The following ZDBF2 variants were observed in gnomAD, a reference collection of about 807,000 sequenced individuals.
ZDBF2 encodes DBF4-type zinc finger-containing protein 2.
Under a neutral mutation model 9.4 loss-of-function variants are expected in ZDBF2, and 6 were observed. The observed-to-expected ratio is 0.64, with a 90% CI of 0.35 to 1.27. The LOEUF (loss-of-function observed/expected upper bound fraction) is 1.27. ZDBF2 is among the 50% of genes most tolerant of loss of function. The pLI, the probability that ZDBF2 is intolerant of heterozygous loss-of-function variation, is 0.03. For synonymous variants in ZDBF2, 905 were observed against 946.3 expected, an observed-to-expected ratio of 0.96 and a Z score of 0.80; for missense variants, 2,697 against 2,766.8, an observed-to-expected ratio of 0.97 and a Z score of 0.57.
chr2:206,308,106 A>G lies in ZDBF2; in HGVS notation c.3578A>G (p.Gln1193Arg). 1 of 1,613,978 alleles carries G rather than the reference A, an allele frequency of 6.2e-7. No individual in the cohort carries two copies. Residue 1193 changes from glutamine (Q) to arginine (R), a missense_variant, in exon 5 of 5, where the codon CAA becomes CGA. Physicochemically the swap from Gln to Arg is conservative, Grantham distance 43. Transcript: ENST00000374423. ...ATTGAACTAGAAGGTAAGCACAATC[A>G]ATGTTGTGGTTCTGAAGTAAGTTTT... is the stretch of plus-strand genomic sequence containing the variant. Reference protein sequence around the residue: ...EHIELEGKHNQCCGSEVSFDS... With the variant: ...EHIELEGKHNRCCGSEVSFDS...
intron 4 of ZDBF2, among the ~76,000 whole-genome samples, chr2:206,299,674 A>C (rs1692391125): frequency 6.6e-6 from 1 of 152,006 alleles, no homozygotes; most frequent in Non-Finnish European, 1.5e-5. Flanking sequence ...GATAAAAACT[A>C]GGAAACTACA....
Position 206,307,189 on chromosome 2 carries a change from C to G in ZDBF2, c.2661C>G (p.Pro887=). The stretch of plus-strand genomic sequence containing the variant: ...CTCTTCATTCAGTGACTAATTCTCC[C>G]GAAGTAGCTGTTAAAAAGCTAAATC... ...HAPLHSVTNS[P]EVAVKKLNPQ... is the part of the protein sequence containing the mutation. Residue 887 remains proline (P), a synonymous_variant, in exon 5 of 5, where the codon CCC becomes CCG. Transcript: ENST00000374423. 6.2e-7 allele frequency: 1 copy of G among 1,612,972 alleles called. No homozygotes were observed. The highest frequency in any genetic ancestry group is 8.5e-7 in the Non-Finnish European group (1 of 1,179,600).
intron 4 of ZDBF2, among the ~76,000 whole-genome samples, chr2:206,302,494 G>C (rs1159962150): frequency 6.6e-6 from 1 of 152,106 alleles, no homozygotes; most frequent in Non-Finnish European, 1.5e-5. Context: ...GATTTTACCA[G>C]CTGTATGATT....
At chr2:206,295,511 G>A (rs931790144) in intron 3 of ZDBF2, among the ~76,000 whole-genome samples, 10 of 151,516 alleles carry the variant, frequency 6.6e-5, no homozygotes, top group African/African-American at 2.4e-4. Flanking sequence ...CTACAGGCGC[G>A]CAGCACCACC....
At position 206,305,620 on chromosome 2, in the gene ZDBF2, G is replaced by T. The variant is rs58649882; in HGVS notation, c.1092G>T (p.Met364Ile). Reference protein sequence around the residue: ...WEQKCSVSSEMKFDCISLQSA... With the variant: ...WEQKCSVSSEIKFDCISLQSA... Reference sequence around the variant, plus strand: ...AGAAGTGCTCAGTGAGTTCTGAAATGAAGTTTGATTGTATCTCTCTTCAGT... The same window carrying T: ...AGAAGTGCTCAGTGAGTTCTGAAATTAAGTTTGATTGTATCTCTCTTCAGT... Residue 364 changes from methionine to isoleucine, a missense_variant, in exon 5 of 5, where the codon ATG becomes ATT. By Grantham distance (10) the Met-to-Ile change is conservative. Transcript: ENST00000374423. 2.1e-3 allele frequency: 3,340 copies of T among 1,613,798 alleles called. 59 individuals are homozygous for T. In the African/African-American group the frequency reaches 0.039, roughly 19 times the overall value.
intron 4 of ZDBF2, 25 bp downstream of exon 4, chr2:206,297,398 T>G (rs771672751): frequency 6.3e-7 from 1 of 1,599,496 alleles, no homozygotes; most frequent in Non-Finnish European, 8.5e-7. Flanking sequence ...TGGAATAATA[T>G]TTATACGTAG....
chr2:206,306,863 G>A lies in ZDBF2; in HGVS notation c.2335G>A (p.Glu779Lys), dbSNP rs372117581. 5 of 1,613,730 alleles carry A rather than the reference G, an allele frequency of 3.1e-6. No homozygotes were observed. The highest frequency in any genetic ancestry group is 4.2e-6 in the Non-Finnish European group (5 of 1,179,830). Residue 779 changes from glutamate (E) to lysine (K), a missense_variant, in exon 5 of 5, where the codon GAA (glutamate) becomes AAA (lysine). This residue lies in a region of ZDBF2 where 910 missense variants were observed against 973.6 expected (regional missense o/e 0.93). Transcript: ENST00000374423. ...AGGAAAAGAACGGCACATTGACCTGGAAGATGAGAGCTGTGAGTCAGATAG... is the reference window on the plus strand; with the variant it reads ...AGGAAAAGAACGGCACATTGACCTGAAAGATGAGAGCTGTGAGTCAGATAG... ...AEGKERHIDL[E>K]DESCESDSSE...
chr2:206,302,006 A>G (rs1692530212), intron 4 of ZDBF2, among the ~76,000 whole-genome samples: 1 of 151,540 alleles, frequency 6.6e-6, no homozygotes, highest in African/African-American at 2.4e-5. Flanking sequence ...TTTTAGCTCA[A>G]GAGTTTAGCT....
rs766079974 is a variant in ZDBF2 at position 206,308,844 on chromosome 2, A to G, written c.4316A>G (p.His1439Arg). 8 of 1,613,656 alleles carry G rather than the reference A, an allele frequency of 5.0e-6. No homozygotes were observed. The East Asian group carries it at 1.8e-4, about 36-fold the overall frequency. The change falls in exon 5 of 5, where the codon CAT becomes CGT. Residue 1439 changes from histidine (H) to arginine (R), a missense_variant. Coordinates refer to ENST00000374423, the MANE Select transcript of ZDBF2 (RefSeq NM_020923.3). Reference sequence around the variant, plus strand: ...GAAATAAACTTGCAAAAGAAGGATCATAATGATCTAGAAAATAAGAACTGT... The same window carrying G: ...GAAATAAACTTGCAAAAGAAGGATCGTAATGATCTAGAAAATAAGAACTGT... ...VKEINLQKKD[H>R]NDLENKNCEV...
chr2:206,309,091 C>T lies in ZDBF2; in HGVS notation c.4563C>T (p.His1521=), dbSNP rs367801037. Residue 1521 remains histidine, a synonymous_variant, in exon 5 of 5, where the codon CAC becomes CAT. Transcript: ENST00000374423. ...NQFPGSVKET[H]LPKVVLVDLV... ...TTCCAGGATCAGTCAAAGAAACCCA[C>T]CTTCCAAAGGTGGTACTTGTGGATC... 7.8e-5 allele frequency: 126 copies of T among 1,613,766 alleles called. No homozygotes were observed. The highest frequency in any genetic ancestry group is 9.4e-5 in the Non-Finnish European group (111 of 1,179,860).
In ZDBF2 at chr2:206,310,577, A is replaced by T. The variant is rs766377477; in HGVS notation, c.6049A>T (p.Ile2017Phe). 5.6e-6 allele frequency: 9 copies of T among 1,612,180 alleles called. No individual in the cohort carries two copies. In the Admixed American group the frequency reaches 1.0e-4, roughly 18 times the overall value. Residue 2017 changes from isoleucine (I) to phenylalanine (F), a missense_variant, in exon 5 of 5, where the codon ATT becomes TTT. Ile to Phe is a conservative substitution (Grantham distance 21). Coordinates refer to ENST00000374423, the MANE Select transcript of ZDBF2 (RefSeq NM_020923.3). ...ALVCVLSSLN[I>F]KLKEGEGLPF... ...AGTCTGTGTTCTTTCTTCTTTAAAT[A>T]TTAAACTGAAAGAGGGTGAAGGCCT... is the stretch of plus-strand genomic sequence containing the variant.
rs1692237517 is a variant in ZDBF2 at position 206,297,313 on chromosome 2, T to C, written c.128T>C (p.Leu43Ser). Residue 43 changes from leucine to serine, a missense_variant, in exon 4 of 5, where the codon TTG becomes TCG. Physicochemically the swap from Leu to Ser is moderately radical, Grantham distance 145. This residue lies in a region of ZDBF2 where 910 missense variants were observed against 973.6 expected (regional missense o/e 0.93). Transcript: ENST00000374423. ...AGACGTCAAATATGTACCAGTAGTTTGATGGAACGTTTCTTACAGGATGTA... is the reference window on the plus strand; with the variant it reads ...AGACGTCAAATATGTACCAGTAGTTCGATGGAACGTTTCTTACAGGATGTA... ...QSRRQICTSS[L>S]MERFLQDVLQ... 1 of 1,613,272 alleles carries C rather than the reference T, an allele frequency of 6.2e-7. No homozygotes were observed. The highest frequency in any genetic ancestry group is 8.5e-7 in the Non-Finnish European group (1 of 1,179,390).
Position 206,306,795 on chromosome 2 carries a change from C to T in ZDBF2, c.2267C>T (p.Pro756Leu), listed in dbSNP as rs578168231. The T allele has an allele frequency of 4.8e-5, 78 of 1,613,768 alleles. No homozygotes were observed. Among genetic ancestry groups the T allele is most frequent in the South Asian group, 2.9e-4 (26 of 91,070 alleles). Residue 756 changes from proline to leucine, a missense_variant, in exon 5 of 5, where the codon CCG becomes CTG. Physicochemically the swap from Pro to Leu is moderately conservative, Grantham distance 98. This residue lies in a region of ZDBF2 where 910 missense variants were observed against 973.6 expected (regional missense o/e 0.93). Transcript: ENST00000374423. ...TCTGAGTTGACTTTTGATTCTGACCCGCCTCTTCTGTCAGTTACTGAGCAG... is the reference window on the plus strand; with the variant it reads ...TCTGAGTTGACTTTTGATTCTGACCTGCCTCTTCTGTCAGTTACTGAGCAG... ...SSSELTFDSD[P>L]PLLSVTEQSH...
intron 3 of ZDBF2, among the ~76,000 whole-genome samples, chr2:206,286,216 A>T (rs1330009683): frequency 6.6e-6 from 1 of 152,158 alleles, no homozygotes; most frequent in Non-Finnish European, 1.5e-5. Context: ...TGGTAGGCCT[A>T]TTTGGTCTAA....
chr2:206,312,099 A>G lies in ZDBF2; in HGVS notation c.*506A>G, dbSNP rs1693222465. Reference sequence around the variant, plus strand: ...CCATAATCTTTAATACAGTTTTTAAAAACTGGTGATTTTTTTTATGCATAG... The same window carrying G: ...CCATAATCTTTAATACAGTTTTTAAGAACTGGTGATTTTTTTTATGCATAG... On this transcript the variant is annotated 3_prime_UTR_variant, in exon 5 of 5. Transcript: ENST00000374423. 6.6e-6 allele frequency: 1 copy of G among 152,154 alleles called. No homozygotes were observed. The highest frequency in any genetic ancestry group is 2.4e-5 in the African/African-American group (1 of 41,426). The allele number at this position is 152,154 out of a possible 1,614,324, so 9.4% of individuals were successfully genotyped here.
rs200516787 is a variant in ZDBF2, at chr2:206,297,370, G to C, written c.185G>C (p.Ser62Thr). ...CACCACCCATATCATTGTCAAGAGAGCAGGTAAAGTAGTTGATTGGAATAA... is the reference window on the plus strand; with the variant it reads ...CACCACCCATATCATTGTCAAGAGACCAGGTAAAGTAGTTGATTGGAATAA... ...LQHHPYHCQE[S>T]SSTQDETHVN... Residue 62 changes from serine (S) to threonine (T), a missense_variant, in exon 4 of 5, where the codon AGC becomes ACC. By Grantham distance (58) the Ser-to-Thr change is moderately conservative (BLOSUM62 1). Around this residue, in one of 3 missense-constraint regions of ZDBF2, gnomAD observed 910 missense variants for 973.6 expected, o/e 0.93. Coordinates refer to ENST00000374423, the MANE Select transcript of ZDBF2 (RefSeq NM_020923.3). The C allele has an allele frequency of 1.9e-6, 3 of 1,611,824 alleles. No individual in the cohort carries two copies. The highest frequency in any genetic ancestry group is 2.5e-6 in the Non-Finnish European group (3 of 1,179,180).
chr2:206,310,282 T>C lies in ZDBF2; in HGVS notation c.5754T>C (p.His1918=), dbSNP rs1476104002. The C allele has an allele frequency of 2.5e-6, 4 of 1,613,964 alleles. No homozygotes were observed. Among genetic ancestry groups the C allele is most frequent in the Non-Finnish European group, 3.4e-6 (4 of 1,179,894 alleles). Residue 1918 remains histidine (H), a synonymous_variant, in exon 5 of 5, where the codon CAT becomes CAC. Transcript: ENST00000374423. ...DLSVALDKPC[H]RHPPAERPPK... ...CAGTGGCCTTAGATAAACCATGCCATCGTCATCCTCCAGCAGAGAGGCCTC... is the reference window on the plus strand; with the variant it reads ...CAGTGGCCTTAGATAAACCATGCCACCGTCATCCTCCAGCAGAGAGGCCTC...
intron 1 of ZDBF2, among the ~76,000 whole-genome samples, chr2:206,279,292 C>G (rs1367786274): frequency 1.3e-5 from 2 of 152,114 alleles, no homozygotes; most frequent in Non-Finnish European, 2.9e-5. Context: ...TTCCAGGAAC[C>G]TAGAGACCTG....
At position 206,311,871 on chromosome 2, in the gene ZDBF2, GT is replaced by G. The variant is rs762866505; in HGVS notation, c.*280del. 4.0e-4 allele frequency: 85 copies of G among 212,362 alleles called. 1 individual carries two copies. The highest frequency in any genetic ancestry group is 2.5e-3 in the Admixed American group (44 of 17,262). The allele number at this position is 212,362 out of a possible 1,614,324, so 13.2% of individuals were successfully genotyped here. A position where few individuals can be genotyped will look rare whatever the true frequency, so the allele number is the denominator to read the frequency against. On this transcript the variant is annotated 3_prime_UTR_variant, in exon 5 of 5. Coordinates refer to ENST00000374423, the MANE Select transcript of ZDBF2 (RefSeq NM_020923.3). Reference sequence around the variant, plus strand: ...AATTTAGCACCGTATATAGAATTTTGTTCCTCAAATCATATCCCTCTTATTT... The same window carrying G: ...AATTTAGCACCGTATATAGAATTTTGTCCTCAAATCATATCCCTCTTATTT...
Sources: gnomAD v4.1 joint callset for allele counts (sites outside exome capture counted in the v4.1 genomes callset) on GRCh38, gnomAD v4.1.1 for gene constraint, gnomAD v4.1.1 regional missense constraint, MANE v1.5 for transcripts, NCBI Gene and HGNC (gene_info 2026-07-23, HGNC 2026-07-21) for gene names.